The following SET variants were observed in gnomAD, a reference collection of about 807,000 sequenced individuals.
SET encodes the protein SET nuclear proto-oncogene, also known as protein SET.
Under a neutral mutation model 39.0 loss-of-function variants are expected in SET, and 4 were observed. The ratio of observed to expected loss-of-function variants is 0.10; its 90% confidence interval spans 0.05 to 0.23. The LOEUF is 0.23. Ranked by LOEUF, SET falls within the 10% of genes least tolerant of loss-of-function variation. The probability of loss-of-function intolerance (pLI) is 1.00; values close to 1 mark genes in which losing one functional copy is unlikely to be tolerated. For missense variants in SET, 137 were observed against 329.7 expected, an observed-to-expected ratio of 0.42 and a Z score of 4.53; for synonymous variants, 114 against 115.9, an observed-to-expected ratio of 0.98 and a Z score of 0.11.
upstream of SET, among the ~76,000 whole-genome samples, chr9:128,686,970 TAAC>T (rs1248902136): frequency 5.9e-5 from 9 of 152,216 alleles, no homozygotes; most frequent in Admixed American, 2.0e-4. Context: ...CTCATAATAA[TAAC>T]AACAATAAAA....
In SET at chr9:128,693,751, T is replaced by C. The variant is rs376525055; in HGVS notation, c.606T>C (p.Asp202=). The C allele has an allele frequency of 6.0e-5, 97 of 1,613,692 alleles. No homozygotes were observed. Among genetic ancestry groups the C allele is most frequent in the African/African-American group, 1.1e-4 (8 of 74,894 alleles). The change falls in exon 6 of 8, where the codon GAT becomes GAC. Residue 202 remains aspartate, a synonymous_variant. Transcript: ENST00000322030. ...CTGACCATTCTGATGCAGGTGCTGA[T>C]GAGTTAGGAGAGGTCATCAAAGATG... ...WFTDHSDAGA[D]ELGEVIKDDI...
rs1252556369 is a variant in SET at position 128,695,602 on chromosome 9, C to G, written c.*938C>G. ...CTTCCAAGTTTGACTTGTATAACAT[C>G]ACTGTCAAACTTTGTCACCCTAACT... On this transcript the variant is annotated 3_prime_UTR_variant, in exon 8 of 8. Transcript: ENST00000322030. 1 of 224,322 alleles carries G rather than the reference C, an allele frequency of 4.5e-6. No individual in the cohort carries two copies. The highest frequency in any genetic ancestry group is 1.8e-4 in the South Asian group (1 of 5,434). 13.9% of individuals were successfully genotyped at this position (224,322 alleles called of 1,614,324 possible).
exon 1 of SET, chr9:128,683,931 AAAG>A (rs766762056): frequency 3.9e-6 from 6 of 1,556,230 alleles, no homozygotes; most frequent in Non-Finnish European, 5.2e-6. Flanking sequence ...TCCCGCCTCA[AAAG>A]AAGAAACCAA....
rs1861418409 is a variant in SET, at chr9:128,689,488, C to CCG, written c.-90_-89dup. 1.5e-6 allele frequency: 1 copy of CCG among 661,586 alleles called. No individual in the cohort carries two copies. The highest frequency in any genetic ancestry group is 2.1e-6 in the Non-Finnish European group (1 of 480,740). 41.0% of individuals were successfully genotyped at this position (661,586 alleles called of 1,614,324 possible). A position where few individuals can be genotyped will look rare whatever the true frequency, so the allele number is the denominator to read the frequency against. On this transcript the variant is annotated 5_prime_UTR_variant, in exon 1 of 8. Coordinates refer to ENST00000322030, the MANE Select transcript of SET (RefSeq NM_003011.4). ...GGAGGCGGCCGGACCGAGCGGGCGC[C>CCG]CGCGCGTGTGGCGTGAGGGGAAGCC... is the stretch of plus-strand genomic sequence containing the variant.
At position 128,696,046 on chromosome 9, in the gene SET, C is replaced by G. The variant is rs1249668111; in HGVS notation, c.*1382C>G. 2 of 224,238 alleles carry G rather than the reference C, an allele frequency of 8.9e-6. No individual in the cohort carries two copies. The highest frequency in any genetic ancestry group is 1.8e-5 in the Non-Finnish European group (2 of 111,638). 13.9% of individuals were successfully genotyped at this position (224,238 alleles called of 1,614,324 possible). A position where few individuals can be genotyped will look rare whatever the true frequency, so the allele number is the denominator to read the frequency against. On this transcript the variant is annotated 3_prime_UTR_variant, in exon 8 of 8. Transcript: ENST00000322030. ...TCCCTGCTTTCTGGTATAAAGCTCT[C>G]AAATGTGACCATGTGAATCTGGGTG...
At chr9:128,692,313 C>T (rs996249991) in intron 3 of SET, 8 of 245,640 alleles carry the variant, frequency 3.3e-5, no homozygotes, top group African/African-American at 2.0e-4. Flanking sequence ...AGGAGAATCG[C>T]TTGAACCCAG....
upstream of SET, among the ~76,000 whole-genome samples, chr9:128,685,794 G>C (rs910166520): frequency 6.6e-6 from 1 of 152,208 alleles, no homozygotes; most frequent in African/African-American, 2.4e-5. Flanking sequence ...CACTTTGGGA[G>C]GCCGAGGTGG....
chr9:128,687,800 T>C (rs953093765), upstream of SET, among the ~76,000 whole-genome samples: 7 of 152,188 alleles, frequency 4.6e-5, no homozygotes, highest in African/African-American at 1.2e-4. Context: ...TTGGGGCTCA[T>C]TGAAGCCTGG....
chr9:128,690,364 G>T (rs1465080864), intron 1 of SET: 2 of 152,582 alleles, frequency 1.3e-5, no homozygotes, highest in African/African-American at 2.4e-5. Flanking sequence ...TCGGCAGGGG[G>T]GCTGCCAATC....
upstream of SET, among the ~76,000 whole-genome samples, chr9:128,688,199 A>G (rs1022956791): frequency 2.6e-5 from 4 of 152,224 alleles, no homozygotes; most frequent in African/African-American, 9.6e-5. Flanking sequence ...GGACAGAGCA[A>G]GACTCCCGTC....
upstream of SET, among the ~76,000 whole-genome samples, chr9:128,687,614 C>A (rs563333504): frequency 1.5e-4 from 12 of 78,110 alleles, no homozygotes; most frequent in Admixed American, 4.0e-4. Context: ...TCCCCTCCCC[C>A]ACCAAAAAAA....
In SET at chr9:128,692,675, T is replaced by C. The variant is rs1392311272; in HGVS notation, c.288T>C (p.Leu96=). ...TTTCTGGCCTAGTGTCTGCACTGCT[T>C]GGGGAGGAAGATGAAGAGGCACTGC... ...FVNHPQVSAL[L]GEEDEEALHY... The change falls in exon 4 of 8, where the codon CTT becomes CTC. Residue 96 remains leucine (L), a synonymous_variant. Coordinates refer to ENST00000322030, the MANE Select transcript of SET (RefSeq NM_003011.4). The C allele has an allele frequency of 6.2e-7, 1 of 1,610,138 alleles. No individual in the cohort carries two copies. The highest frequency in any genetic ancestry group is 1.1e-5 in the South Asian group (1 of 90,962).
chr9:128,695,864 A>G lies in SET; in HGVS notation c.*1200A>G, dbSNP rs1861718344. The G allele has an allele frequency of 4.4e-6, 1 of 227,902 alleles. No individual in the cohort carries two copies. The highest frequency in any genetic ancestry group is 1.8e-4 in the South Asian group (1 of 5,490). The allele number at this position is 227,902 out of a possible 1,614,324, so 14.1% of individuals were successfully genotyped here. ...TTTTTAAAATTGGCCTTTTACCTGG[A>G]TATAAATTAATTGTGCCTGCCACCA... On this transcript the variant is annotated 3_prime_UTR_variant, in exon 8 of 8. Transcript: ENST00000322030.
At chr9:128,691,042 T>C (rs764576902) in intron 1 of SET, 128 bp from the exon 2 acceptor site, 557 of 769,874 alleles carry the variant, frequency 7.2e-4, no homozygotes, top group Non-Finnish European at 7.3e-5. Context: ...CATGAACATG[T>C]GGAACGCTTG....
rs373062806 is a variant in SET at position 128,693,593 on chromosome 9, T to C, written c.493-45T>C. Reference sequence around the variant, plus strand: ...TTTTTTAAATTATAGGGAGTTTGGGTGTTATGGAGAGATTGTATCAAAAGC... The same window carrying C: ...TTTTTTAAATTATAGGGAGTTTGGGCGTTATGGAGAGATTGTATCAAAAGC... On this transcript the variant is annotated intron_variant, in intron 5 of 7. Coordinates refer to ENST00000322030, the MANE Select transcript of SET (RefSeq NM_003011.4). The C allele has an allele frequency of 2.7e-4, 409 of 1,520,706 alleles. 6 individuals carry two copies. The highest frequency in any genetic ancestry group is 8.7e-4 in the Middle Eastern group (5 of 5,732). The allele number at this position is 1,520,706 out of a possible 1,614,324, so 94.2% of individuals were successfully genotyped here. A position where few individuals can be genotyped will look rare whatever the true frequency, so the allele number is the denominator to read the frequency against.
At chr9:128,683,609 G>A (rs1165446696), upstream of SET, 3 of 348,998 alleles carry the variant, frequency 8.6e-6, no homozygotes, top group Admixed American at 4.6e-5. Flanking sequence ...AAAGCACAGG[G>A]ATCCTCTCCT....
At chr9:128,693,233 C>CA (rs1024026081) in intron 5 of SET, among the ~76,000 whole-genome samples, 153 of 150,316 alleles carry the variant, frequency 1.0e-3, no homozygotes, top group Non-Finnish European at 1.4e-3. Context: ...TTCCAAAAAA[C>CA]AAAAAAAAAG....
chr9:128,689,235 A>AGGAGGT lies in SET; in HGVS notation c.-342_-337dup. ...CCCTGCGCCCGCCCCTCGCCGTAGG[A>AGGAGGT]GGAGGTGGAGGAGGAGGCGGCTCGG... is the stretch of plus-strand genomic sequence containing the variant. On this transcript the variant is annotated 5_prime_UTR_variant, in exon 1 of 8. Transcript: ENST00000322030. 1.0e-6 allele frequency: 1 copy of AGGAGGT among 997,346 alleles called. No individual in the cohort carries two copies. Among genetic ancestry groups the AGGAGGT allele is most frequent in the Non-Finnish European group, 1.2e-6 (1 of 837,358 alleles). 61.8% of individuals were successfully genotyped at this position (997,346 alleles called of 1,614,324 possible). A position where few individuals can be genotyped will look rare whatever the true frequency, so the allele number is the denominator to read the frequency against.
chr9:128,687,884 G>A (rs899584301), upstream of SET, among the ~76,000 whole-genome samples: 1 of 152,242 alleles, frequency 6.6e-6, no homozygotes, highest in Non-Finnish European at 1.5e-5. Context: ...GCTATTGCAT[G>A]GCCAGGATTT....
Sources: gnomAD v4.1 joint callset for allele counts (sites outside exome capture counted in the v4.1 genomes callset) on GRCh38, gnomAD v4.1.1 for gene constraint, MANE v1.5 for transcripts, NCBI Gene and HGNC (gene_info 2026-07-23, HGNC 2026-07-21) for gene names.